SORCS2: variants seen among roughly 807,000 people sequenced by gnomAD.
The protein encoded by SORCS2 is VPS10 domain-containing receptor SorCS2.
SORCS2 carries 100 observed loss-of-function variants against 141.6 expected under a neutral mutation model. The observed-to-expected ratio is 0.71, with a 90% CI of 0.60 to 0.83. SORCS2 has a LOEUF of 0.83. SORCS2 is among the 40% of genes least tolerant of loss of function. The pLI, the probability that SORCS2 is intolerant of heterozygous loss-of-function variation, is 0.00. For synonymous variants in SORCS2, 789 were observed against 676.9 expected, an observed-to-expected ratio of 1.17 and a Z score of -2.57; for missense variants, 1,646 against 1,560.2, an observed-to-expected ratio of 1.05 and a Z score of -0.93.
At chr4:7,610,121 T>G (rs528889266) in intron 3 of SORCS2, among the ~76,000 whole-genome samples, 2 of 152,114 alleles carry the variant, frequency 1.3e-5, no homozygotes, top group African/African-American at 2.4e-5. Flanking sequence ...AAGTTCACAA[T>G]GCCAGGGAAT....
intron 2 of SORCS2, among the ~76,000 whole-genome samples, chr4:7,526,568 C>T (rs1383947466): frequency 6.6e-6 from 1 of 152,176 alleles, no homozygotes; most frequent in Non-Finnish European, 1.5e-5. Context: ...TGACGCTGCT[C>T]CGTATGATAC....
At chr4:7,726,731 G>T (rs1165431000) in intron 20 of SORCS2, 49 bp from the exon 21 acceptor site, 3 of 1,596,812 alleles carry the variant, frequency 1.9e-6, no homozygotes, top group South Asian at 2.2e-5. Flanking sequence ...GTCCCCCACG[G>T]CCGCTGCCTC....
At chr4:7,591,016 T>A (rs956345660) in intron 3 of SORCS2, among the ~76,000 whole-genome samples, 2 of 152,178 alleles carry the variant, frequency 1.3e-5, no homozygotes, top group African/African-American at 4.8e-5. Flanking sequence ...GGTGGCCACA[T>A]GGCTGCATGG....
intron 1 of SORCS2, among the ~76,000 whole-genome samples, chr4:7,315,190 G>A (rs1470188876): frequency 6.6e-6 from 1 of 152,146 alleles, no homozygotes; most frequent in Non-Finnish European, 1.5e-5. Context: ...TGAGCTTCGA[G>A]TGAGCCTCCC....
intron 5 of SORCS2, among the ~76,000 whole-genome samples, chr4:7,660,627 C>A (rs62290703): frequency 0.014 from 2,189 of 152,264 alleles, 25 homozygotes; most frequent in Middle Eastern, 0.024. Context: ...ATCCAGCAGA[C>A]CTGGGCAGGA....
chr4:7,650,831 C>T (rs941380354), intron 4 of SORCS2, among the ~76,000 whole-genome samples: 82 of 151,626 alleles, frequency 5.4e-4, no homozygotes, highest in African/African-American at 2.0e-3. Context: ...TCTCCTGGCC[C>T]AGGCCTGAAT....
intron 2 of SORCS2, among the ~76,000 whole-genome samples, chr4:7,528,017 C>T (rs574285458): frequency 4.3e-4 from 65 of 151,998 alleles, no homozygotes; most frequent in African/African-American, 1.4e-3. Flanking sequence ...TCTCCTTGTG[C>T]TCTCTCTGTC....
At chr4:7,261,661 A>G (rs917447947) in intron 1 of SORCS2, among the ~76,000 whole-genome samples, 4 of 152,266 alleles carry the variant, frequency 2.6e-5, no homozygotes, top group Admixed American at 1.3e-4. Flanking sequence ...TGATTATTCA[A>G]TTACAGCAGA....
intron 1 of SORCS2, among the ~76,000 whole-genome samples, chr4:7,202,598 C>T (rs1016745082): frequency 6.6e-6 from 1 of 152,228 alleles, no homozygotes; most frequent in African/African-American, 2.4e-5. Context: ...ACACCGAGCA[C>T]ATTTCTTGCA....
Position 7,201,755 on chromosome 4 carries a change from C to G in SORCS2, c.480+8629C>G, listed in dbSNP as rs903595610. Reference sequence around the variant, plus strand: ...TTACGAATGGCCCACTTTGTCCTCGCCCCTCCTTAGTCGCTAGTTTGGGTG... The same window carrying G: ...TTACGAATGGCCCACTTTGTCCTCGGCCCTCCTTAGTCGCTAGTTTGGGTG... On this transcript the variant is annotated intron_variant, in intron 1 of 26. Coordinates refer to ENST00000507866, the MANE Select transcript of SORCS2 (RefSeq NM_020777.3). The surrounding 1 kb of genome is among the most constrained non-coding windows in gnomAD (Gnocchi z 4.4). Among the ~76,000 whole-genome samples the G allele has an allele frequency of 1.3e-5, 2 of 152,112 alleles. No homozygotes were observed. The highest frequency in any genetic ancestry group is 1.3e-4 in the Admixed American group (2 of 15,278).
At chr4:7,433,460 T>A in intron 2 of SORCS2, 2 of 1,564,462 alleles carry the variant, frequency 1.3e-6, no homozygotes, top group South Asian at 2.5e-5. Flanking sequence ...AGCAGTGGGG[T>A]CCTGGGGCCG....
chr4:7,302,798 T>C (rs1223907506), intron 1 of SORCS2, among the ~76,000 whole-genome samples: 3 of 141,152 alleles, frequency 2.1e-5, no homozygotes, highest in East Asian at 2.1e-4. Flanking sequence ...TGCGCGCGCG[T>C]GTGTGTGTGT....
intron 4 of SORCS2, among the ~76,000 whole-genome samples, chr4:7,653,862 A>C (rs1057400772): frequency 7.2e-5 from 11 of 152,216 alleles, no homozygotes; most frequent in African/African-American, 2.7e-4. Flanking sequence ...TTTGAGGCTC[A>C]GACACACCTC....
chr4:7,697,134 A>G, intron 11 of SORCS2, 64 bp from the exon 12 acceptor site: 1 of 1,409,148 alleles, frequency 7.1e-7, no homozygotes, highest in East Asian at 2.5e-5. Context: ...CCATGCTCAG[A>G]CTTGTTAAAG....
chr4:7,362,387 A>G (rs1356513193), intron 1 of SORCS2, among the ~76,000 whole-genome samples: 6 of 152,230 alleles, frequency 3.9e-5, no homozygotes, highest in African/African-American at 1.4e-4. Context: ...TTATCTACCT[A>G]GTGGAGAATC....
chr4:7,462,934 T>C (rs949383767), intron 2 of SORCS2, among the ~76,000 whole-genome samples: 5 of 151,530 alleles, frequency 3.3e-5, no homozygotes, highest in African/African-American at 1.2e-4. Flanking sequence ...CCCCATCCCG[T>C]GTGCCAGGCT....
chr4:7,614,826 TCATCCATC>T (rs893294200), intron 3 of SORCS2, among the ~76,000 whole-genome samples: 1 of 149,238 alleles, frequency 6.7e-6, no homozygotes, highest in Non-Finnish European at 1.5e-5. Flanking sequence ...CACCATCCAT[TCATCCATC>T]CATCCATCTC....
intron 1 of SORCS2, among the ~76,000 whole-genome samples, chr4:7,223,714 G>A (rs946472378): frequency 3.3e-5 from 5 of 152,138 alleles, no homozygotes; most frequent in African/African-American, 1.2e-4. Flanking sequence ...AGGTGCCTCA[G>A]GGGCCTCCTG....
chr4:7,657,295 T>C (rs1433987170), intron 5 of SORCS2, among the ~76,000 whole-genome samples: 1 of 152,182 alleles, frequency 6.6e-6, no homozygotes, highest in Non-Finnish European at 1.5e-5. Context: ...AGTGATGAGT[T>C]AGGTAATGAA....
Sources: allele counts gnomAD v4.1 joint callset (sites outside exome capture counted in the v4.1 genomes callset), GRCh38; gene constraint gnomAD v4.1.1; non-coding constraint Gnocchi (gnomAD v3.1); transcripts MANE v1.5; gene names NCBI Gene and HGNC (gene_info 2026-07-23, HGNC 2026-07-21).